Variants in LRBA observed in about 807,000 individuals in gnomAD.
The protein encoded by LRBA is LPS responsive beige-like anchor protein, also known as lipopolysaccharide-responsive and beige-like anchor protein.
Under a neutral mutation model 330.0 loss-of-function variants are expected in LRBA, and 176 were observed. That is an observed-to-expected ratio of 0.53 (90% CI 0.47 to 0.60). LRBA has a LOEUF of 0.60. LRBA is among the 20% of genes least tolerant of loss of function. The pLI is 0.00. For missense variants in LRBA, 3,259 were observed against 3,444.8 expected (o/e 0.95, Z 1.35); for synonymous variants, 1,230 against 1,193.0 (o/e 1.03, Z -0.64).
chr4:150,319,496 C>T (rs541098194), intron 50 of LRBA, among the ~76,000 whole-genome samples: 9 of 151,934 alleles, frequency 5.9e-5, no homozygotes, highest in South Asian at 2.1e-4. Flanking sequence ...AAAAAAATCA[C>T]GTTTCTTAAA....
At chr4:150,503,722 A>C (rs1184586587) in intron 40 of LRBA, among the ~76,000 whole-genome samples, 1 of 152,260 alleles carries the variant, frequency 6.6e-6, no homozygotes, top group African/African-American at 2.4e-5. Context: ...CTCACGAGCA[A>C]CGGAACAAAG....
At chr4:151,013,469 C>G (rs910747017) in intron 2 of LRBA, 3 of 152,172 alleles carry the variant, frequency 2.0e-5, no homozygotes, top group Non-Finnish European at 2.9e-5. Flanking sequence ...GAATTCAAAA[C>G]TAGCCTAGGC....
At chr4:150,871,523 T>A in intron 18 of LRBA, 70 bp from the exon 19 acceptor site, 1 of 843,244 alleles carries the variant, frequency 1.2e-6, no homozygotes, top group African/African-American at 1.7e-5. Flanking sequence ...GCATGCTGGA[T>A]GAAGGAAACA....
chr4:150,537,422 A>G (rs113705150), intron 40 of LRBA, among the ~76,000 whole-genome samples: 1 of 152,188 alleles, frequency 6.6e-6, no homozygotes, highest in African/African-American at 2.4e-5. Flanking sequence ...CTTGGCAAAG[A>G]ACTTACAACC....
At position 150,852,936 on chromosome 4, in the gene LRBA, A is replaced by G. The variant is rs1750783047; in HGVS notation, c.2774T>C (p.Phe925Ser). Residue 925 changes from phenylalanine (F) to serine (S), a missense_variant, in exon 23 of 57, where the codon TTT becomes TCT. Coordinates refer to ENST00000651943, the MANE Select transcript of LRBA (RefSeq NM_001364905.1). The stretch of plus-strand genomic sequence containing the variant: ...GGCAAGGTTTTCTTTGTGTATTTCA[A>G]AAGTGACCTAGGTGAAAAATGTACA... ...TLSITHSKVTFEIHKENLANI... is the reference protein window; with the variant it reads ...TLSITHSKVTSEIHKENLANI... The G allele has an allele frequency of 1.9e-6, 3 of 1,556,086 alleles. No homozygotes were observed. Among genetic ancestry groups the G allele is most frequent in the Non-Finnish European group, 1.7e-6 (2 of 1,153,040 alleles).
chr4:150,287,943 A>G (rs868714498), intron 53 of LRBA, among the ~76,000 whole-genome samples: 3 of 152,208 alleles, frequency 2.0e-5, no homozygotes, highest in Non-Finnish European at 2.9e-5. Flanking sequence ...AATAAAGCAA[A>G]TAATGTAAGC....
intron 40 of LRBA, among the ~76,000 whole-genome samples, chr4:150,528,599 C>G (rs1258291824): frequency 6.6e-6 from 1 of 151,946 alleles, no homozygotes; most frequent in African/African-American, 2.4e-5. Context: ...CATAAGCCCA[C>G]CCCCTCTCCC....
rs1300016881 is a variant in LRBA at position 150,559,819 on chromosome 4, TATA to T, written c.6330+28226_6330+28228del. ...TTATAATATGTTATATATAATAATA[TATA>T]ATAATATAAAATATAATATATATAA... On this transcript the variant is annotated intron_variant, in intron 40 of 56. Coordinates refer to ENST00000651943, the MANE Select transcript of LRBA (RefSeq NM_001364905.1). Among the ~76,000 whole-genome samples the T allele has an allele frequency of 4.4e-3, 298 of 67,620 alleles. 6 individuals carry two copies. The highest frequency in any genetic ancestry group is 0.033 in the East Asian group (80 of 2,418). 44.4% of individuals were successfully genotyped at this position (67,620 alleles called of 152,430 possible). A position where few individuals can be genotyped will look rare whatever the true frequency, so the allele number is the denominator to read the frequency against.
chr4:150,329,699 C>T (rs574933949), intron 48 of LRBA, among the ~76,000 whole-genome samples: 16 of 152,268 alleles, frequency 1.1e-4, no homozygotes, highest in Admixed American at 2.6e-4. Context: ...TTTGCCCTGG[C>T]CATCTTGTGT....
intron 2 of LRBA, among the ~76,000 whole-genome samples, chr4:150,983,663 C>T (rs967465110): frequency 6.6e-6 from 1 of 151,596 alleles, no homozygotes; most frequent in Non-Finnish European, 1.5e-5. Flanking sequence ...CCATGTTGGC[C>T]AGGCTGGTCT....
In LRBA at chr4:150,599,048, G is replaced by C. The variant is rs111883007; in HGVS notation, c.6005C>G (p.Ser2002Trp). ...TTTTAGTGTCGCTTCAGGATGTGTC[G>C]ATCCTAGAGGGTTACGCACAAATCG... ...RRRFVRNPLGSTHPEATLKTA... is the reference protein window; with the variant it reads ...RRRFVRNPLGWTHPEATLKTA... Residue 2002 changes from serine (S) to tryptophan (W), a missense_variant, in exon 38 of 57, where the codon TCG (serine) becomes TGG (tryptophan). By Grantham distance (177) the Ser-to-Trp change is radical (BLOSUM62 -3). Coordinates refer to ENST00000651943, the MANE Select transcript of LRBA (RefSeq NM_001364905.1). 47 of 1,613,794 alleles carry C rather than the reference G, an allele frequency of 2.9e-5. No homozygotes were observed. In the South Asian group the frequency reaches 4.2e-4, roughly 14 times the overall value.
At chr4:150,267,812 C>T (rs1003422036) in intron 56 of LRBA, among the ~76,000 whole-genome samples, 4 of 152,090 alleles carry the variant, frequency 2.6e-5, no homozygotes, top group Non-Finnish European at 4.4e-5. Flanking sequence ...GTAATCCCAG[C>T]ACTTTGGGAG....
At chr4:150,676,952 T>C (rs895122080) in intron 37 of LRBA, among the ~76,000 whole-genome samples, 1 of 152,210 alleles carries the variant, frequency 6.6e-6, no homozygotes, top group East Asian at 1.9e-4. Context: ...AGACATACTC[T>C]ACTTCTATTA....
intron 17 of LRBA, among the ~76,000 whole-genome samples, chr4:150,891,388 T>C (rs1729442787): frequency 1.3e-5 from 2 of 152,216 alleles, no homozygotes. Context: ...TAACTTTATG[T>C]GTCAACTGGG....
chr4:150,488,878 T>C (rs942929325), intron 41 of LRBA, among the ~76,000 whole-genome samples: 2 of 144,962 alleles, frequency 1.4e-5, no homozygotes, highest in African/African-American at 5.0e-5. Flanking sequence ...TATTTAGTAA[T>C]GTCATAATAT....
chr4:150,638,036 G>A (rs902085480), intron 37 of LRBA, among the ~76,000 whole-genome samples: 9 of 151,786 alleles, frequency 5.9e-5, no homozygotes, highest in African/African-American at 1.9e-4. Context: ...TCAGTTTGGG[G>A]CATACTAGCA....
rs1357093992 is a variant in LRBA at position 150,286,005 on chromosome 4, T to A, written c.8047A>T (p.Thr2683Ser). Residue 2683 changes from threonine to serine, a missense_variant, in exon 54 of 57, where the codon ACC becomes TCC. By Grantham distance (58) the Thr-to-Ser change is moderately conservative. Transcript: ENST00000651943. Reference sequence around the variant, plus strand: ...CATGTGACCTCATAGTCATGGCCGGTCAAAATGGCCCGAGGAGCAGCAGTC... The same window carrying A: ...CATGTGACCTCATAGTCATGGCCGGACAAAATGGCCCGAGGAGCAGCAGTC... ...SETAAPRAIL[T>S]GHDYEVTCAA... 35 of 1,588,506 alleles carry A rather than the reference T, an allele frequency of 2.2e-5. No individual in the cohort carries two copies. The highest frequency in any genetic ancestry group is 3.0e-5 in the Non-Finnish European group (35 of 1,167,330).
At chr4:150,746,549 C>T (rs559140372) in intron 35 of LRBA, among the ~76,000 whole-genome samples, 22 of 145,782 alleles carry the variant, frequency 1.5e-4, no homozygotes, top group East Asian at 8.0e-4. Flanking sequence ...CTCGCTCCAT[C>T]GCCCAGGCTG....
intron 49 of LRBA, 24 bp downstream of exon 49, chr4:150,325,785 G>A: frequency 1.4e-6 from 2 of 1,480,660 alleles, no homozygotes; most frequent in Non-Finnish European, 1.9e-6. Flanking sequence ...GGCAAGAAAT[G>A]AGGAGAGTAA....
Sources: allele counts gnomAD v4.1 joint callset (sites outside exome capture counted in the v4.1 genomes callset), GRCh38; gene constraint gnomAD v4.1.1; transcripts MANE v1.5; gene names NCBI Gene and HGNC (gene_info 2026-07-23, HGNC 2026-07-21).